The following TENM2 variants were observed in gnomAD, a reference collection of about 807,000 sequenced individuals.
TENM2 encodes teneurin-2.
In TENM2, 52 loss-of-function variants were observed where a neutral mutation model predicts 245.2. That is an observed-to-expected ratio of 0.21 (90% CI 0.17 to 0.27). The LOEUF is 0.27. Among genes scored for constraint, TENM2 ranks in the 10% least tolerant of loss-of-function variants. The pLI is 1.00. For synonymous variants in TENM2, 1,363 were observed against 1,438.9 expected (o/e 0.95, Z 1.19); for missense variants, 3,046 against 3,666.8 (o/e 0.83, Z 4.37).
At chr5:167,755,113 T>C (rs1229002954) in intron 2 of TENM2, 2 of 1,599,134 alleles carry the variant, frequency 1.3e-6, no homozygotes, top group East Asian at 4.5e-5. Flanking sequence ...GCAAGCCAGA[T>C]CATCTCTTAT....
At chr5:167,245,022 A>G in the TENM2 span, among the ~76,000 whole-genome samples, 1 of 152,066 alleles carries the variant, frequency 6.6e-6, no homozygotes, top group Non-Finnish European at 1.5e-5. Context: ...TCCAATTATA[A>G]TCCTCATCTA....
At chr5:168,229,003 CATT>C (rs1165536615) in intron 25 of TENM2, among the ~76,000 whole-genome samples, 2 of 146,422 alleles carry the variant, frequency 1.4e-5, no homozygotes, top group South Asian at 2.1e-4. Context: ...ATATATAATA[CATT>C]ATATGTATAC....
chr5:168,117,500 A>G (rs994916953), intron 9 of TENM2, among the ~76,000 whole-genome samples: 10 of 152,222 alleles, frequency 6.6e-5, no homozygotes, highest in Admixed American at 6.5e-4. Flanking sequence ...TAGGCCCAGT[A>G]AGAGATTAAC....
At chr5:167,327,441 T>G (rs555822193) in intron 1 of TENM2, among the ~76,000 whole-genome samples, 2 of 152,168 alleles carry the variant, frequency 1.3e-5, no homozygotes, top group African/African-American at 2.4e-5. Flanking sequence ...GAATTAAATA[T>G]GAAATATAGT....
At chr5:168,151,821 G>C (rs1034536502) in intron 12 of TENM2, among the ~76,000 whole-genome samples, 4 of 152,170 alleles carry the variant, frequency 2.6e-5, no homozygotes, top group Admixed American at 2.0e-4. Context: ...TGCCCTTGGG[G>C]GCCTTCATCT....
intron 4 of TENM2, among the ~76,000 whole-genome samples, chr5:167,973,721 G>A (rs150870905): frequency 1.1e-3 from 166 of 152,118 alleles, no homozygotes; most frequent in African/African-American, 3.5e-3. Flanking sequence ...GGAAAAGGCC[G>A]GAAGAGCAAG....
At chr5:167,461,902 A>G (rs1766315088) in intron 2 of TENM2, among the ~76,000 whole-genome samples, 1 of 152,126 alleles carries the variant, frequency 6.6e-6, no homozygotes, top group African/African-American at 2.4e-5. Context: ...AGTGGTTTAC[A>G]GTATATGTGA....
chr5:167,144,750 C>T, the TENM2 span, among the ~76,000 whole-genome samples: 3 of 152,192 alleles, frequency 2.0e-5, no homozygotes, highest in African/African-American at 7.2e-5. Flanking sequence ...AATGCAAGAG[C>T]TGTCCGTGTG....
At chr5:167,977,143 G>A (rs1782500186) in intron 4 of TENM2, among the ~76,000 whole-genome samples, 1 of 152,118 alleles carries the variant, frequency 6.6e-6, no homozygotes. Flanking sequence ...ACACAAAAAG[G>A]GAAGCAACAG....
chr5:167,042,185 A>T, the TENM2 span, among the ~76,000 whole-genome samples: 1 of 152,242 alleles, frequency 6.6e-6, no homozygotes, highest in Non-Finnish European at 1.5e-5. Context: ...TTTGACATTA[A>T]CATTAATCAC....
At chr5:167,041,022 C>A in the TENM2 span, among the ~76,000 whole-genome samples, 1 of 152,136 alleles carries the variant, frequency 6.6e-6, no homozygotes, top group Non-Finnish European at 1.5e-5. Flanking sequence ...AAGGTTCATT[C>A]ATTTTTCCTT....
chr5:167,014,096 AG>A, the TENM2 span, among the ~76,000 whole-genome samples: 1 of 149,558 alleles, frequency 6.7e-6, no homozygotes, highest in African/African-American at 2.5e-5. Flanking sequence ...TGTAGGATTT[AG>A]GGATTACTTA....
At chr5:167,865,567 C>A (rs1353670547) in intron 2 of TENM2, among the ~76,000 whole-genome samples, 4 of 152,184 alleles carry the variant, frequency 2.6e-5, no homozygotes, top group East Asian at 3.9e-4. Context: ...AGCCAGCATG[C>A]CCAGCCTGGA....
intron 13 of TENM2, among the ~76,000 whole-genome samples, chr5:168,163,399 A>G (rs1441451375): frequency 6.6e-6 from 1 of 152,236 alleles, no homozygotes; most frequent in Non-Finnish European, 1.5e-5. Flanking sequence ...ACAATATTTG[A>G]TAATGTGAAA....
intron 1 of TENM2, among the ~76,000 whole-genome samples, chr5:167,299,862 G>A (rs1299840529): frequency 6.6e-6 from 1 of 152,148 alleles, no homozygotes; most frequent in African/African-American, 2.4e-5. Context: ...CAAAGAGTGA[G>A]TACAGCTGAA....
intron 1 of TENM2, among the ~76,000 whole-genome samples, chr5:167,373,332 T>C (rs1213826935): frequency 2.0e-5 from 3 of 152,282 alleles, no homozygotes; most frequent in Middle Eastern, 3.4e-3. Context: ...TGATATCGAG[T>C]ATGTAGGCTA....
the TENM2 span, among the ~76,000 whole-genome samples, chr5:167,030,666 C>A: frequency 1.3e-5 from 2 of 152,142 alleles, no homozygotes; most frequent in Admixed American, 6.5e-5. Context: ...CCTTTCTACT[C>A]CTCGCTTCTG....
intron 2 of TENM2, among the ~76,000 whole-genome samples, chr5:167,855,610 T>C (rs1364915680): frequency 7.1e-6 from 1 of 141,542 alleles, no homozygotes; most frequent in African/African-American, 2.6e-5. Flanking sequence ...GAGCCTGATA[T>C]GTACTAGACA....
At chr5:167,380,463 T>C (rs143010744) in intron 2 of TENM2, among the ~76,000 whole-genome samples, 3 of 152,268 alleles carry the variant, frequency 2.0e-5, no homozygotes, top group African/African-American at 7.2e-5. Context: ...TCAAGGAGCG[T>C]AGGAGCCTGT....
Sources: gnomAD v4.1 joint callset for allele counts (sites outside exome capture counted in the v4.1 genomes callset) on GRCh38, gnomAD v4.1.1 for gene constraint, MANE v1.5 for transcripts, NCBI Gene and HGNC (gene_info 2026-07-23, HGNC 2026-07-21) for gene names.